The following SERGEF variants were observed in gnomAD, a reference collection of about 807,000 sequenced individuals.
SERGEF encodes secretion regulating guanine nucleotide exchange factor, also known as secretion-regulating guanine nucleotide exchange factor.
A neutral mutation model predicts 50.0 loss-of-function variants in SERGEF; 51 were observed. That is an observed-to-expected ratio of 1.02 (90% CI 0.81 to 1.29). The LOEUF is 1.29. Among genes scored for constraint, SERGEF ranks in the 50% most tolerant of loss-of-function variants. SERGEF has a pLI of 0.00. For missense variants in SERGEF, 521 were observed against 557.0 expected, an observed-to-expected ratio of 0.94 and a Z score of 0.65; for synonymous variants, 205 against 212.4, an observed-to-expected ratio of 0.97 and a Z score of 0.30.
chr11:18,000,943 T>G (rs1853947975), intron 4 of SERGEF: 1 of 363,904 alleles, frequency 2.7e-6, no homozygotes, highest in South Asian at 2.2e-5. Flanking sequence ...CATAAATGAA[T>G]GAGCATGACT....
intron 9 of SERGEF, among the ~76,000 whole-genome samples, chr11:17,886,529 A>G (rs943988442): frequency 6.6e-6 from 1 of 152,104 alleles, no homozygotes; most frequent in Admixed American, 6.5e-5. Flanking sequence ...GTGTGGTAGG[A>G]TCACTTAACC....
chr11:17,947,619 G>A (rs1852688665), intron 9 of SERGEF, among the ~76,000 whole-genome samples: 1 of 152,086 alleles, frequency 6.6e-6, no homozygotes, highest in South Asian at 2.1e-4. Flanking sequence ...TAGGAGTTGG[G>A]GTGAGCACCA....
At chr11:17,973,513 A>G (rs760414144) in intron 8 of SERGEF, among the ~76,000 whole-genome samples, 3 of 152,192 alleles carry the variant, frequency 2.0e-5, no homozygotes, top group Non-Finnish European at 4.4e-5. Flanking sequence ...GTTGGCCCCA[A>G]TCTTTGGGTA....
At chr11:17,858,678 G>C (rs1206802666) in intron 10 of SERGEF, among the ~76,000 whole-genome samples, 1 of 152,094 alleles carries the variant, frequency 6.6e-6, no homozygotes, top group Admixed American at 6.5e-5. Flanking sequence ...TAGAATCTCA[G>C]CAGAAGACCA....
chr11:17,846,520 T>C, intron 10 of SERGEF: 1 of 361,786 alleles, frequency 2.8e-6, no homozygotes. Flanking sequence ...ACCATCTTTG[T>C]ATTTTTTTTT....
In SERGEF at chr11:17,878,253, A is replaced by G; in HGVS notation, c.1012-9T>C. 6.4e-7 allele frequency: 1 copy of G among 1,565,618 alleles called. No individual in the cohort carries two copies. Among genetic ancestry groups the G allele is most frequent in the Non-Finnish European group, 8.7e-7 (1 of 1,145,066 alleles). ...TCTGAGCCACAAGAGACCTGTAAAAAAAAAAAAAGACAAAGAAAATGGATA... is the reference window on the plus strand; with the variant it reads ...TCTGAGCCACAAGAGACCTGTAAAAGAAAAAAAAGACAAAGAAAATGGATA... On this transcript the variant is annotated splice_polypyrimidine_tract_variant and intron_variant, in intron 9 of 10. Coordinates refer to ENST00000265965, the MANE Select transcript of SERGEF (RefSeq NM_012139.4).
intron 5 of SERGEF, among the ~76,000 whole-genome samples, chr11:17,999,981 G>A (rs965414150): frequency 6.6e-6 from 1 of 152,154 alleles, no homozygotes; most frequent in African/African-American, 2.4e-5. Flanking sequence ...AACACAAAGA[G>A]CTAGAAAACT....
chr11:17,958,623 T>C (rs565941536), intron 9 of SERGEF, among the ~76,000 whole-genome samples: 6 of 152,276 alleles, frequency 3.9e-5, no homozygotes, highest in African/African-American at 1.4e-4. Context: ...GCCCCCTTGA[T>C]CAGGTTCCAG....
At chr11:17,963,364 T>TAAAAA (rs1174880141) in intron 8 of SERGEF, among the ~76,000 whole-genome samples, 4 of 49,872 alleles carry the variant, frequency 8.0e-5, no homozygotes, top group Non-Finnish European at 1.4e-4. Flanking sequence ...TTACTATTAG[T>TAAAAA]AAAAAAAAAA....
chr11:17,827,316 C>G (rs545811653), intron 10 of SERGEF, among the ~76,000 whole-genome samples: 1 of 152,264 alleles, frequency 6.6e-6, no homozygotes, highest in East Asian at 1.9e-4. Flanking sequence ...ATAATCAGCT[C>G]CTATGGCTGG....
At chr11:17,983,968 G>A (rs918505531) in intron 8 of SERGEF, among the ~76,000 whole-genome samples, 2 of 152,200 alleles carry the variant, frequency 1.3e-5, no homozygotes, top group Admixed American at 1.3e-4. Flanking sequence ...AGGCCAGAGT[G>A]CAGATTGGAT....
chr11:17,829,370 G>GTC (rs1489900931), intron 10 of SERGEF, among the ~76,000 whole-genome samples: 1 of 152,146 alleles, frequency 6.6e-6, no homozygotes, highest in African/African-American at 2.4e-5. Context: ...TCTAATTAGC[G>GTC]TCTCCCTCCC....
At position 17,830,647 on chromosome 11, in the gene SERGEF, AGG is replaced by A. The variant is rs58258986; in HGVS notation, c.1049-42236_1049-42235del. On this transcript the variant is annotated intron_variant, in intron 10 of 10. Coordinates refer to ENST00000265965, the MANE Select transcript of SERGEF (RefSeq NM_012139.4). ...GAGAGGGAAAGGGGGAGGGAGAGGGAGGGAGAGAGAGAGAGAGAGAGAGAGAG... is the reference window on the plus strand; with the variant it reads ...GAGAGGGAAAGGGGGAGGGAGAGGGAGAGAGAGAGAGAGAGAGAGAGAGAG... Among the ~76,000 whole-genome samples, 178 of 97,850 alleles carry A rather than the reference AGG, an allele frequency of 1.8e-3. 4 individuals carry two copies. The highest frequency in any genetic ancestry group is 5.5e-3 in the East Asian group (13 of 2,354). The allele number at this position is 97,850 out of a possible 152,430, so 64.2% of individuals were successfully genotyped here. A position where few individuals can be genotyped will look rare whatever the true frequency, so the allele number is the denominator to read the frequency against.
rs561789746 is a variant in SERGEF at position 17,940,778 on chromosome 11, G to A, written c.1011+18692C>T. On this transcript the variant is annotated intron_variant, in intron 9 of 10. Transcript: ENST00000265965. ...ACGGCCCCTTTCTAGTGTTCCTTCA[G>A]TCTTACACTGGAGAAAGTAAGTGCA... 2.6e-5 allele frequency among the ~76,000 whole-genome samples: 4 copies of A among 152,134 alleles called. No individual in the cohort carries two copies. In the South Asian group the frequency reaches 8.3e-4, roughly 32 times the overall value.
At chr11:17,977,931 T>C (rs1853412729) in intron 8 of SERGEF, among the ~76,000 whole-genome samples, 1 of 152,236 alleles carries the variant, frequency 6.6e-6, no homozygotes, top group South Asian at 2.1e-4. Context: ...ACCCAGTCTA[T>C]ATCACTTGGT....
rs911553483 is a variant in SERGEF, at chr11:17,934,368, C to T, written c.1011+25102G>A. ...AAACAATTCAGATCACAGAGCTAGA[C>T]AAATATTAGCTTGTTTCCCAGCTGG... On this transcript the variant is annotated intron_variant, in intron 9 of 10. Transcript: ENST00000265965. Among the ~76,000 whole-genome samples the T allele has an allele frequency of 3.3e-5, 5 of 152,136 alleles. No homozygotes were observed. The East Asian group carries it at 5.8e-4, about 18-fold the overall frequency.
intron 10 of SERGEF, among the ~76,000 whole-genome samples, chr11:17,794,993 T>G (rs954168634): frequency 1.3e-5 from 2 of 152,048 alleles, no homozygotes; most frequent in Admixed American, 6.5e-5. Flanking sequence ...TGCTGGGCAG[T>G]GGGAAGAGGA....
intron 10 of SERGEF, among the ~76,000 whole-genome samples, chr11:17,834,876 C>T (rs1029085910): frequency 3.3e-5 from 5 of 152,170 alleles, no homozygotes; most frequent in Admixed American, 3.3e-4. Flanking sequence ...GCTGGTATTT[C>T]GGTTCCCCTC....
In SERGEF at chr11:17,884,746, T is replaced by A. The variant is rs935484199; in HGVS notation, c.1012-6502A>T. 2.0e-5 allele frequency among the ~76,000 whole-genome samples: 3 copies of A among 152,100 alleles called. No individual in the cohort carries two copies. The highest frequency in any genetic ancestry group is 2.4e-5 in the African/African-American group (1 of 41,406). On this transcript the variant is annotated intron_variant, in intron 9 of 10. Coordinates refer to ENST00000265965, the MANE Select transcript of SERGEF (RefSeq NM_012139.4). The surrounding 1 kb of genome is among the most constrained non-coding windows in gnomAD (Gnocchi z 4.6). ...ATGTGTATATGTTATATATACATTT[T>A]TAAAAAAAGCACATTGTATGTATGC... is the stretch of plus-strand genomic sequence containing the variant.
Sources: gnomAD v4.1 joint callset for allele counts (sites outside exome capture counted in the v4.1 genomes callset) on GRCh38, gnomAD v4.1.1 for gene constraint, Gnocchi (gnomAD v3.1) non-coding constraint, MANE v1.5 for transcripts, NCBI Gene and HGNC (gene_info 2026-07-23, HGNC 2026-07-21) for gene names.